Variants in DPY19L4 observed in about 807,000 individuals in gnomAD.
DPY19L4 encodes the protein dpy-19 like 4, also known as probable C-mannosyltransferase DPY19L4.
In DPY19L4, 97 loss-of-function variants were observed where a neutral mutation model predicts 102.8. The observed-to-expected ratio is 0.94, with a 90% confidence interval of 0.80 to 1.12. The LOEUF is 1.12. DPY19L4 is among the 50% of genes most tolerant of loss of function. The pLI, the probability that DPY19L4 is intolerant of heterozygous loss-of-function variation, is 0.00. For synonymous variants in DPY19L4, 252 were observed against 283.1 expected, an observed-to-expected ratio of 0.89 and a Z score of 1.10; for missense variants, 815 against 850.4, an observed-to-expected ratio of 0.96 and a Z score of 0.52.
intron 1 of DPY19L4, among the ~76,000 whole-genome samples, chr8:94,723,131 T>C (rs1378495940): frequency 6.6e-6 from 1 of 152,218 alleles, no homozygotes; most frequent in Non-Finnish European, 1.5e-5. Flanking sequence ...TGTGTAATCA[T>C]CTTCATTTAG....
chr8:94,771,123 G>A (rs1812914821), intron 13 of DPY19L4, among the ~76,000 whole-genome samples: 2 of 151,890 alleles, frequency 1.3e-5, no homozygotes, highest in Non-Finnish European at 2.9e-5. Flanking sequence ...CACCACATTG[G>A]TCAGGCTGGT....
At chr8:94,773,632 G>A (rs1359125902) in intron 13 of DPY19L4, among the ~76,000 whole-genome samples, 1 of 151,850 alleles carries the variant, frequency 6.6e-6, no homozygotes, top group Non-Finnish European at 1.5e-5. Flanking sequence ...GTTTCTTCAT[G>A]TTGGTCAGGC....
At chr8:94,739,566 T>A in intron 5 of DPY19L4, 32 bp downstream of exon 5, 1 of 1,596,172 alleles carries the variant, frequency 6.3e-7, no homozygotes, top group Non-Finnish European at 8.5e-7. Flanking sequence ...CTAATATTTA[T>A]TTTCTCATGT....
At chr8:94,747,716 G>T (rs1811741705) in intron 6 of DPY19L4, among the ~76,000 whole-genome samples, 1 of 151,918 alleles carries the variant, frequency 6.6e-6, no homozygotes, top group East Asian at 1.9e-4. Context: ...CTGCCACTAT[G>T]CCTGGCTAAT....
Position 94,739,841 on chromosome 8 carries a change from G to C in DPY19L4, c.611+51G>C, listed in dbSNP as rs764396111. ...TTAAAAACTTTTTGTGGCTGTAGTA[G>C]TCAGAGTTCTGAAAATGCCTCCCCT... is the stretch of plus-strand genomic sequence containing the variant. On this transcript the variant is annotated intron_variant, in intron 6 of 18. Coordinates refer to ENST00000414645, the MANE Select transcript of DPY19L4 (RefSeq NM_181787.3). 8 of 1,592,714 alleles carry C rather than the reference G, an allele frequency of 5.0e-6. No homozygotes were observed. In the South Asian group the frequency reaches 7.8e-5, roughly 16 times the overall value.
chr8:94,751,122 T>C (rs149258616), intron 6 of DPY19L4, among the ~76,000 whole-genome samples: 3 of 125,870 alleles, frequency 2.4e-5, no homozygotes, highest in Non-Finnish European at 1.8e-5. Context: ...TTCTTTCTTT[T>C]CTTTTTTTTT....
chr8:94,775,120 A>G (rs1365125793), intron 13 of DPY19L4, among the ~76,000 whole-genome samples: 3 of 152,002 alleles, frequency 2.0e-5, no homozygotes, highest in South Asian at 2.1e-4. Context: ...ATGTATTCCA[A>G]TTTTTTTGTG....
intron 6 of DPY19L4, among the ~76,000 whole-genome samples, chr8:94,752,585 C>CAAAAAAA (rs370640228): frequency 2.5e-5 from 2 of 80,186 alleles, no homozygotes; most frequent in Non-Finnish European, 5.3e-5. Context: ...GACTCCATCT[C>CAAAAAAA]AAAAAAAAAA....
chr8:94,721,433 A>C (rs866586744), intron 1 of DPY19L4, among the ~76,000 whole-genome samples: 4 of 152,274 alleles, frequency 2.6e-5, no homozygotes, highest in Admixed American at 1.3e-4. Flanking sequence ...AATTTAAGAC[A>C]TTCTAACTAA....
In DPY19L4 at chr8:94,789,743, T is replaced by A. The variant is rs769631640; in HGVS notation, c.2008-3T>A. 64 of 1,588,624 alleles carry A rather than the reference T, an allele frequency of 4.0e-5. No homozygotes were observed. In the South Asian group the frequency reaches 7.4e-4, roughly 18 times the overall value. On this transcript the variant is annotated splice_region_variant and splice_polypyrimidine_tract_variant and intron_variant, in intron 18 of 18. Transcript: ENST00000414645. The stretch of plus-strand genomic sequence containing the variant: ...TAATATTATGTTTTATATCTTTTAA[T>A]AGATGGTTTGTGAAGAAGGTGACAA...
Position 94,783,721 on chromosome 8 carries a change from T to A in DPY19L4, c.1767T>A (p.Gly589=). The change falls in exon 17 of 19, where the codon GGT becomes GGA. Residue 589 remains glycine (G), a synonymous_variant. Coordinates refer to ENST00000414645, the MANE Select transcript of DPY19L4 (RefSeq NM_181787.3). ...AVFAGSPQLM[G]AIKLCTGWMV... Reference sequence around the variant, plus strand: ...TTGCAGGGAGTCCACAGTTAATGGGTGCGATTAAATTATGCACTGGATGGA... The same window carrying A: ...TTGCAGGGAGTCCACAGTTAATGGGAGCGATTAAATTATGCACTGGATGGA... The A allele has an allele frequency of 6.2e-7, 1 of 1,614,124 alleles. No homozygotes were observed. Among genetic ancestry groups the A allele is most frequent in the Non-Finnish European group, 8.5e-7 (1 of 1,180,010 alleles).
chr8:94,754,089 TG>T lies in DPY19L4; in HGVS notation c.612-1944del, dbSNP rs529621654. Among the ~76,000 whole-genome samples, 4 of 151,992 alleles carry T rather than the reference TG, an allele frequency of 2.6e-5. No homozygotes were observed. The South Asian group carries it at 8.3e-4, about 32-fold the overall frequency. ...TCCCAGCTACTTGGGGATACTGAGG[TG>T]GGAGGATCATCTGAGCCTGGGAGGT... On this transcript the variant is annotated intron_variant, in intron 6 of 18. Transcript: ENST00000414645.
chr8:94,759,796 C>T (rs1279557067), intron 7 of DPY19L4, among the ~76,000 whole-genome samples: 1 of 152,186 alleles, frequency 6.6e-6, no homozygotes, highest in Non-Finnish European at 1.5e-5. Context: ...AGCCACTGTG[C>T]CCGGCCCATG....
Position 94,739,447 on chromosome 8 carries a change from A to G in DPY19L4, c.378A>G (p.Val126=), listed in dbSNP as rs752267734. ...VYELTHNNKT[V]SLKTINAVQQ... ...AACTGACACACAATAACAAAACTGTATCTCTGAAGACTATAAATGCAGTGC... is the reference window on the plus strand; with the variant it reads ...AACTGACACACAATAACAAAACTGTGTCTCTGAAGACTATAAATGCAGTGC... Residue 126 remains valine, a synonymous_variant, in exon 5 of 19, where the codon GTA becomes GTG. Coordinates refer to ENST00000414645, the MANE Select transcript of DPY19L4 (RefSeq NM_181787.3). 4 of 1,595,472 alleles carry G rather than the reference A, an allele frequency of 2.5e-6. No homozygotes were observed. The highest frequency in any genetic ancestry group is 1.8e-5 in the Admixed American group (1 of 54,056).
At chr8:94,733,795 G>A (rs1420160701) in intron 2 of DPY19L4, among the ~76,000 whole-genome samples, 3 of 152,134 alleles carry the variant, frequency 2.0e-5, no homozygotes, top group Admixed American at 1.3e-4. Flanking sequence ...ACCCACCTCG[G>A]CCTCCCAAAG....
intron 1 of DPY19L4, among the ~76,000 whole-genome samples, chr8:94,722,299 C>T (rs1004654515): frequency 1.3e-5 from 2 of 151,402 alleles, no homozygotes; most frequent in African/African-American, 2.4e-5. Flanking sequence ...CCCAGCTACC[C>T]GGGAGGCTGA....
At chr8:94,737,652 G>T (rs1449870779) in intron 3 of DPY19L4, among the ~76,000 whole-genome samples, 1 of 150,912 alleles carries the variant, frequency 6.6e-6, no homozygotes, top group African/African-American at 2.4e-5. Context: ...GCGTGGTGGC[G>T]GGTGCCTGTA....
intron 1 of DPY19L4, among the ~76,000 whole-genome samples, chr8:94,721,937 C>CA (rs1810476675): frequency 6.7e-6 from 1 of 150,162 alleles, no homozygotes; most frequent in Non-Finnish European, 1.5e-5. Context: ...AGTGAAACCC[C>CA]ATCTCTACTA....
chr8:94,781,263 C>A, intron 16 of DPY19L4, 97 bp downstream of exon 16: 2 of 1,090,900 alleles, frequency 1.8e-6, no homozygotes, highest in Non-Finnish European at 1.2e-6. Flanking sequence ...AATACTTCTC[C>A]AAATTTTTTC....
Sources: allele counts gnomAD v4.1 joint callset (sites outside exome capture counted in the v4.1 genomes callset), GRCh38; gene constraint gnomAD v4.1.1; transcripts MANE v1.5; gene names NCBI Gene and HGNC (gene_info 2026-07-23, HGNC 2026-07-21).